CSMD1: variants seen among roughly 807,000 people sequenced by gnomAD.
CSMD1 encodes the protein CUB and Sushi multiple domains 1, also known as CUB and sushi domain-containing protein 1.
Under a neutral mutation model 417.5 loss-of-function variants are expected in CSMD1, and 213 were observed. The ratio of observed to expected loss-of-function variants is 0.51; its 90% CI spans 0.46 to 0.57. The LOEUF is 0.57. Ranked by LOEUF, CSMD1 falls within the 20% of genes least tolerant of loss-of-function variation. CSMD1 has a pLI of 0.00. For missense variants in CSMD1, 6,923 were observed against 4,529.7 expected, an observed-to-expected ratio of 1.53 and a Z score of -15.17; for synonymous variants, 2,862 against 1,736.8, an observed-to-expected ratio of 1.65 and a Z score of -16.11.
intron 3 of CSMD1, among the ~76,000 whole-genome samples, chr8:4,120,520 A>G (rs1053490350): frequency 5.3e-5 from 8 of 152,086 alleles, no homozygotes; most frequent in East Asian, 1.9e-4. Flanking sequence ...CCAAATTTCT[A>G]TATTTGGCAT....
At chr8:4,970,942 T>C (rs1451737971) in intron 1 of CSMD1, among the ~76,000 whole-genome samples, 1 of 152,158 alleles carries the variant, frequency 6.6e-6, no homozygotes, top group Non-Finnish European at 1.5e-5. Context: ...AATTCCTTGT[T>C]AACATATGAT....
At chr8:4,753,146 A>T (rs1811441552) in intron 1 of CSMD1, among the ~76,000 whole-genome samples, 1 of 152,134 alleles carries the variant, frequency 6.6e-6, no homozygotes, top group South Asian at 2.1e-4. Context: ...AGAAAGCTGA[A>T]GTCACTTGTC....
chr8:4,627,353 G>A (rs984596738), intron 2 of CSMD1, among the ~76,000 whole-genome samples: 20 of 152,050 alleles, frequency 1.3e-4, no homozygotes, highest in Non-Finnish European at 2.6e-4. Context: ...AAAAATCTGG[G>A]AAACTATTTA....
chr8:4,956,066 C>T (rs189768582), intron 1 of CSMD1, among the ~76,000 whole-genome samples: 3 of 152,192 alleles, frequency 2.0e-5, no homozygotes, highest in Non-Finnish European at 2.9e-5. Context: ...CCTGGGGTGA[C>T]GTAAAACCAC....
chr8:4,305,935 T>C (rs1051177559), intron 3 of CSMD1, among the ~76,000 whole-genome samples: 1 of 152,206 alleles, frequency 6.6e-6, no homozygotes, highest in African/African-American at 2.4e-5. Flanking sequence ...CTTTATTTAA[T>C]AAACTGTATT....
chr8:4,473,207 A>G (rs1800628346), intron 2 of CSMD1, among the ~76,000 whole-genome samples: 1 of 152,226 alleles, frequency 6.6e-6, no homozygotes, highest in Admixed American at 6.5e-5. Flanking sequence ...TTTCAATTAT[A>G]AATGATTAAA....
intron 13 of CSMD1, among the ~76,000 whole-genome samples, chr8:3,409,104 T>C (rs1812524396): frequency 2.0e-5 from 3 of 152,220 alleles, no homozygotes; most frequent in Admixed American, 2.0e-4. Flanking sequence ...ACTCTGTTGC[T>C]GTACTGATGT....
intron 3 of CSMD1, among the ~76,000 whole-genome samples, chr8:4,161,172 A>C (rs1046928490): frequency 6.6e-6 from 1 of 152,196 alleles, no homozygotes. Flanking sequence ...AGAAGGATGA[A>C]GTACTTGCAA....
chr8:3,267,954 G>T (rs1289089687), intron 26 of CSMD1, among the ~76,000 whole-genome samples: 12 of 152,144 alleles, frequency 7.9e-5, no homozygotes, highest in Non-Finnish European at 1.5e-5. Flanking sequence ...GATTATGCCA[G>T]AGGGGAACAG....
Position 4,293,172 on chromosome 8 carries a change from A to C in CSMD1, c.415+126781T>G, listed in dbSNP as rs535294739. Among the ~76,000 whole-genome samples, 4 of 152,152 alleles carry C rather than the reference A, an allele frequency of 2.6e-5. No homozygotes were observed. In the East Asian group the frequency reaches 7.7e-4, roughly 29 times the overall value. ...GCCCTTTGTCCAGTATACTCTGAGG[A>C]CTGAACCTCCCTGGCACAGAGAGAG... On this transcript the variant is annotated intron_variant, in intron 3 of 69. Transcript: ENST00000635120.
At position 4,033,311 on chromosome 8, in the gene CSMD1, G is replaced by A. The variant is rs545548416; in HGVS notation, c.416-1212C>T. ...AAAAAAATTAGCCGGGCGTGGTGGC[G>A]GGCACCTGTAGTCCCAGCTACTTGG... is the stretch of plus-strand genomic sequence containing the variant. On this transcript the variant is annotated intron_variant, in intron 3 of 69. Transcript: ENST00000635120. Among the ~76,000 whole-genome samples the A allele has an allele frequency of 1.9e-3, 289 of 151,836 alleles. 1 individual carries two copies. The highest frequency in any genetic ancestry group is 6.0e-3 in the African/African-American group (247 of 41,432).
intron 7 of CSMD1, among the ~76,000 whole-genome samples, chr8:3,650,792 T>G (rs1797816989): frequency 6.6e-6 from 1 of 152,196 alleles, no homozygotes; most frequent in South Asian, 2.1e-4. Context: ...TTTCCACCCC[T>G]TTTTTCCTTT....
In CSMD1 at chr8:3,597,086, C is replaced by T. The variant is rs116610070; in HGVS notation, c.1098-10826G>A. 4.7e-3 allele frequency among the ~76,000 whole-genome samples: 721 copies of T among 152,276 alleles called. 6 individuals are homozygous for T. The highest frequency in any genetic ancestry group is 0.016 in the African/African-American group (685 of 41,552). On this transcript the variant is annotated intron_variant, in intron 8 of 69. Coordinates refer to ENST00000635120, the MANE Select transcript of CSMD1 (RefSeq NM_033225.6). The stretch of plus-strand genomic sequence containing the variant: ...ATAAAACAGAGCCACCTCACCCAAA[C>T]GCTGGCTGCACTGAGCCTGCTGAGG...
At chr8:4,877,472 G>A (rs781607292) in intron 1 of CSMD1, among the ~76,000 whole-genome samples, 21 of 151,988 alleles carry the variant, frequency 1.4e-4, no homozygotes, top group Admixed American at 3.3e-4. Context: ...AGTCATATTT[G>A]CTATTTCAAA....
chr8:3,448,509 T>C (rs1034503196), intron 12 of CSMD1, among the ~76,000 whole-genome samples: 2 of 143,260 alleles, frequency 1.4e-5, no homozygotes, highest in African/African-American at 5.2e-5. Flanking sequence ...CCCTGAAAAC[T>C]TGGAGAGAGG....
chr8:3,652,567 G>T (rs1395795859), intron 7 of CSMD1, among the ~76,000 whole-genome samples: 2 of 152,206 alleles, frequency 1.3e-5, no homozygotes, highest in African/African-American at 4.8e-5. Flanking sequence ...AGAATGCAAA[G>T]GAGAAGCAAA....
intron 5 of CSMD1, among the ~76,000 whole-genome samples, chr8:3,897,114 C>G (rs1220003624): frequency 1.3e-5 from 2 of 152,166 alleles, no homozygotes; most frequent in African/African-American, 2.4e-5. Context: ...TTCATGACAG[C>G]ACTGAAATCA....
At chr8:3,446,916 G>C (rs1343470442) in intron 12 of CSMD1, among the ~76,000 whole-genome samples, 1 of 152,136 alleles carries the variant, frequency 6.6e-6, no homozygotes, top group Non-Finnish European at 1.5e-5. Context: ...TAATTGAGTT[G>C]GGGGAAGAAA....
intron 5 of CSMD1, among the ~76,000 whole-genome samples, chr8:3,843,758 A>G (rs1803293005): frequency 1.3e-5 from 2 of 152,202 alleles, no homozygotes; most frequent in Admixed American, 6.6e-5. Flanking sequence ...GTTTTAAAGC[A>G]TTTGATTCTC....
Sources: gnomAD v4.1 joint callset for allele counts (sites outside exome capture counted in the v4.1 genomes callset) on GRCh38, gnomAD v4.1.1 for gene constraint, MANE v1.5 for transcripts, NCBI Gene and HGNC (gene_info 2026-07-23, HGNC 2026-07-21) for gene names.